ARK2N: variants seen among roughly 807,000 people sequenced by gnomAD.
ARK2N encodes the protein arkadia (RNF111) N-terminal like PKA signaling regulator 2N.
chr18:46,227,210 G>T, the ARK2N span, among the ~76,000 whole-genome samples: 317 of 152,274 alleles, frequency 2.1e-3, 3 homozygotes, highest in African/African-American at 6.9e-3. Flanking sequence ...GGAAAAAAAC[G>T]TAATTCTGCA....
the ARK2N span, among the ~76,000 whole-genome samples, chr18:46,203,526 T>A: frequency 1.3e-5 from 2 of 152,318 alleles, no homozygotes; most frequent in East Asian, 3.9e-4. Context: ...GTGGATATGT[T>A]CATTTTATAT....
At chr18:46,174,926 C>G in the ARK2N span, among the ~76,000 whole-genome samples, 1 of 152,196 alleles carries the variant, frequency 6.6e-6, no homozygotes, top group African/African-American at 2.4e-5. Context: ...TGCCTCTCGG[C>G]GCTTCCACTA....
chr18:46,189,661 T>C, the ARK2N span, among the ~76,000 whole-genome samples: 1 of 150,988 alleles, frequency 6.6e-6, no homozygotes, highest in African/African-American at 2.5e-5. Context: ...CCAGGGAGGG[T>C]AGAGTTTGAT....
the ARK2N span, among the ~76,000 whole-genome samples, chr18:46,261,424 A>T: frequency 1.3e-5 from 2 of 152,200 alleles, no homozygotes; most frequent in Non-Finnish European, 2.9e-5. Context: ...GAATTGTCCA[A>T]TGAGATAATA....
the ARK2N span, among the ~76,000 whole-genome samples, chr18:46,262,049 C>T: frequency 6.6e-6 from 1 of 152,194 alleles, no homozygotes; most frequent in Non-Finnish European, 1.5e-5. Context: ...TTACTTCTCA[C>T]ATAAGCTACC....
At chr18:46,202,938 T>C in the ARK2N span, among the ~76,000 whole-genome samples, 1 of 152,166 alleles carries the variant, frequency 6.6e-6, no homozygotes, top group African/African-American at 2.4e-5. Context: ...ACTGTTTTAC[T>C]TCCACCAGAA....
At chr18:46,247,547 C>G in the ARK2N span, among the ~76,000 whole-genome samples, 1 of 152,332 alleles carries the variant, frequency 6.6e-6, no homozygotes, top group African/African-American at 2.4e-5. Context: ...TGTCTACACT[C>G]TGCCTTTTTA....
At chr18:46,239,614 T>TA in the ARK2N span, among the ~76,000 whole-genome samples, 5 of 152,206 alleles carry the variant, frequency 3.3e-5, no homozygotes, top group Admixed American at 3.3e-4. Flanking sequence ...TTCATTCTTT[T>TA]AAAAAATATA....
chr18:46,238,677 A>C, the ARK2N span, among the ~76,000 whole-genome samples: 1 of 152,176 alleles, frequency 6.6e-6, no homozygotes, highest in African/African-American at 2.4e-5. Flanking sequence ...CTAACAACTC[A>C]TTTACTTTTA....
the ARK2N span, among the ~76,000 whole-genome samples, chr18:46,259,474 C>A: frequency 2.6e-5 from 4 of 151,910 alleles, no homozygotes; most frequent in Non-Finnish European, 4.4e-5. Context: ...GATCTCCTGA[C>A]CCCATGATCC....
the ARK2N span, chr18:46,216,921 A>G: frequency 7.7e-6 from 2 of 259,774 alleles, no homozygotes; most frequent in South Asian, 6.2e-5. This position sits in a 1 kb window ranked among gnomAD's most constrained non-coding sequence, Gnocchi z 4.3. Flanking sequence ...CTTAGATTTA[A>G]TACTCACTGT....
the ARK2N span, among the ~76,000 whole-genome samples, chr18:46,248,863 G>A: frequency 3.3e-5 from 5 of 152,032 alleles, no homozygotes; most frequent in African/African-American, 9.7e-5. Flanking sequence ...GATTACAGGC[G>A]TGAGCCACTG....
chr18:46,249,546 C>T, the ARK2N span, among the ~76,000 whole-genome samples: 1 of 152,132 alleles, frequency 6.6e-6, no homozygotes, highest in South Asian at 2.1e-4. Flanking sequence ...ATTCTTTCTC[C>T]GTAGTGGCTA....
the ARK2N span, among the ~76,000 whole-genome samples, chr18:46,238,085 A>G: frequency 6.6e-6 from 1 of 152,166 alleles, no homozygotes. Flanking sequence ...TGGGTAGGTG[A>G]TGTCACTCTG....
At chr18:46,243,702 G>A in the ARK2N span, among the ~76,000 whole-genome samples, 2 of 152,144 alleles carry the variant, frequency 1.3e-5, no homozygotes, top group Non-Finnish European at 2.9e-5. Flanking sequence ...ACTGTAGTGG[G>A]TGATTTTGAA....
At chr18:46,201,232 AC>A in the ARK2N span, among the ~76,000 whole-genome samples, 1 of 151,458 alleles carries the variant, frequency 6.6e-6, no homozygotes, top group Non-Finnish European at 1.5e-5. Context: ...ATCCTTCCTT[AC>A]CTTGGCCTCC....
chr18:46,253,117 G>C, the ARK2N span, among the ~76,000 whole-genome samples: 11 of 152,332 alleles, frequency 7.2e-5, no homozygotes, highest in African/African-American at 2.4e-4. Context: ...TTTTGGGTCA[G>C]ATTTTGTCAA....
chr18:46,215,462 T>C, the ARK2N span, among the ~76,000 whole-genome samples: 43 of 152,356 alleles, frequency 2.8e-4, no homozygotes, highest in Admixed American at 7.2e-4. Flanking sequence ...AGCATTCTTT[T>C]TCATTTATAT....
chr18:46,177,984 A>G, the ARK2N span, among the ~76,000 whole-genome samples: 7 of 152,238 alleles, frequency 4.6e-5, no homozygotes, highest in Non-Finnish European at 8.8e-5. Flanking sequence ...GCAGTGCTCT[A>G]GTTGCAGGAA....
Sources: gnomAD v4.1 joint callset for allele counts (sites outside exome capture counted in the v4.1 genomes callset) on GRCh38, gnomAD v4.1.1 for gene constraint, Gnocchi (gnomAD v3.1) non-coding constraint, MANE v1.5 for transcripts, NCBI Gene and HGNC (gene_info 2026-07-23, HGNC 2026-07-21) for gene names.